The following SMYD3 variants were observed in gnomAD, a reference collection of about 807,000 sequenced individuals.
SMYD3 encodes the protein SET and MYND domain containing 3, also known as histone-lysine N-methyltransferase SMYD3.
SMYD3 carries 36 observed loss-of-function variants against 57.7 expected under a neutral mutation model. The observed-to-expected ratio is 0.62, with a 90% CI of 0.48 to 0.82. The LOEUF is 0.82. SMYD3 is among the 40% of genes least tolerant of loss of function. SMYD3 has a pLI of 0.00. For missense variants in SMYD3, 515 were observed against 538.8 expected (o/e 0.96, Z 0.44); for synonymous variants, 211 against 195.0 (o/e 1.08, Z -0.68).
At chr1:246,491,603 A>T (rs1220647084) in intron 1 of SMYD3, among the ~76,000 whole-genome samples, 3 of 152,196 alleles carry the variant, frequency 2.0e-5, no homozygotes, top group Non-Finnish European at 4.4e-5. Flanking sequence ...TATTTAAGGA[A>T]GACTACTAAT....
intron 1 of SMYD3, among the ~76,000 whole-genome samples, chr1:246,489,762 C>T (rs189560384): frequency 8.5e-5 from 13 of 152,194 alleles, no homozygotes; most frequent in African/African-American, 1.2e-4. Flanking sequence ...GTAGGCTGTA[C>T]GTAAGCCAAG....
intron 5 of SMYD3, among the ~76,000 whole-genome samples, chr1:245,939,151 A>G (rs1425715924): frequency 6.8e-6 from 1 of 147,918 alleles, no homozygotes; most frequent in Non-Finnish European, 1.5e-5. Flanking sequence ...TCAATAAAAA[A>G]AATTAAAAAA....
At chr1:246,119,165 C>T (rs145863678) in intron 5 of SMYD3, among the ~76,000 whole-genome samples, 47 of 152,166 alleles carry the variant, frequency 3.1e-4, no homozygotes, top group African/African-American at 1.1e-3. Flanking sequence ...AGACTACAAA[C>T]GCATGCCAAC....
chr1:246,449,712 G>A (rs1307770690), intron 1 of SMYD3, among the ~76,000 whole-genome samples: 2 of 150,526 alleles, frequency 1.3e-5, no homozygotes, highest in African/African-American at 2.5e-5. Context: ...GCCCTAAGAA[G>A]AGAAAATAAA....
intron 5 of SMYD3, among the ~76,000 whole-genome samples, chr1:246,240,449 T>C (rs1335834693): frequency 3.3e-5 from 5 of 152,204 alleles, no homozygotes; most frequent in Admixed American, 6.5e-5. Context: ...CATTGATCTA[T>C]ATCTCTGTTT....
intron 5 of SMYD3, among the ~76,000 whole-genome samples, chr1:246,303,984 C>T (rs1204656546): frequency 1.3e-5 from 2 of 152,164 alleles, no homozygotes; most frequent in Admixed American, 6.5e-5. Flanking sequence ...TGTTCATCTA[C>T]TTTAGACTGG....
intron 5 of SMYD3, among the ~76,000 whole-genome samples, chr1:246,124,949 G>A: frequency 6.6e-6 from 1 of 152,066 alleles, no homozygotes; most frequent in East Asian, 1.9e-4. Context: ...GCGGGCGCCT[G>A]TAGTCCCAGC....
At chr1:246,383,175 G>A (rs2066417651) in intron 1 of SMYD3, among the ~76,000 whole-genome samples, 1 of 152,240 alleles carries the variant, frequency 6.6e-6, no homozygotes, top group African/African-American at 2.4e-5. Context: ...GAGGCGGAAA[G>A]AAGGCAAATT....
chr1:246,246,825 A>G (rs1456101637), intron 5 of SMYD3, among the ~76,000 whole-genome samples: 4 of 147,512 alleles, frequency 2.7e-5, no homozygotes, highest in African/African-American at 9.9e-5. Context: ...TTTACACTAT[A>G]TATATTTTAT....
chr1:246,336,408 T>C (rs2065545685), intron 2 of SMYD3, among the ~76,000 whole-genome samples: 1 of 152,198 alleles, frequency 6.6e-6, no homozygotes, highest in South Asian at 2.1e-4. Context: ...CACTTACTCA[T>C]TCTTATTTCA....
At chr1:246,128,304 C>T (rs1377175166) in intron 5 of SMYD3, among the ~76,000 whole-genome samples, 1 of 152,142 alleles carries the variant, frequency 6.6e-6, no homozygotes, top group African/African-American at 2.4e-5. Flanking sequence ...GTAATTTGCT[C>T]ATTTATTATG....
intron 5 of SMYD3, among the ~76,000 whole-genome samples, chr1:246,287,996 C>T (rs1477917810): frequency 6.7e-6 from 1 of 148,844 alleles, no homozygotes; most frequent in Non-Finnish European, 1.5e-5. Flanking sequence ...CACCCCCAGA[C>T]ACTTAGATTG....
chr1:246,175,809 G>A (rs1041452679), intron 5 of SMYD3, among the ~76,000 whole-genome samples: 1 of 152,172 alleles, frequency 6.6e-6, no homozygotes, highest in African/African-American at 2.4e-5. Flanking sequence ...TATTCATTAA[G>A]GAGGGCTTTC....
chr1:246,065,320 G>A (rs1040538734), intron 5 of SMYD3, among the ~76,000 whole-genome samples: 1 of 152,208 alleles, frequency 6.6e-6, no homozygotes, highest in African/African-American at 2.4e-5. Flanking sequence ...AAAAAGTGAG[G>A]ACAGATGCGC....
At chr1:246,266,086 G>GA (rs2064100590) in intron 5 of SMYD3, among the ~76,000 whole-genome samples, 1 of 152,114 alleles carries the variant, frequency 6.6e-6, no homozygotes, top group African/African-American at 2.4e-5. Flanking sequence ...CTTGTTTGCT[G>GA]AACACCTGAT....
chr1:245,912,826 C>T (rs1227657457), intron 8 of SMYD3, among the ~76,000 whole-genome samples: 1 of 152,144 alleles, frequency 6.6e-6, no homozygotes, highest in African/African-American at 2.4e-5. Context: ...AAACTAAACC[C>T]TTATCTGTCA....
chr1:245,927,029 A>G (rs1471551458), intron 7 of SMYD3, among the ~76,000 whole-genome samples: 1 of 152,270 alleles, frequency 6.6e-6, no homozygotes, highest in Non-Finnish European at 1.5e-5. Flanking sequence ...ATCCCTGTCT[A>G]CATAAAATAT....
chr1:245,786,218 G>GGGA (rs1553321388), intron 10 of SMYD3, among the ~76,000 whole-genome samples: 2 of 147,576 alleles, frequency 1.4e-5, no homozygotes, highest in East Asian at 2.0e-4. Context: ...GTGGACGGGG[G>GGGA]GGGGATGGTG....
intron 5 of SMYD3, among the ~76,000 whole-genome samples, chr1:246,303,609 G>T (rs1437295479): frequency 1.3e-5 from 2 of 151,852 alleles, no homozygotes; most frequent in Non-Finnish European, 2.9e-5. Context: ...TGTGGTGATT[G>T]AATCTATGAA....
Sources: gnomAD v4.1 joint callset for allele counts (sites outside exome capture counted in the v4.1 genomes callset) on GRCh38, gnomAD v4.1.1 for gene constraint, MANE v1.5 for transcripts, NCBI Gene and HGNC (gene_info 2026-07-23, HGNC 2026-07-21) for gene names.